The following RBMS1 variants were observed in gnomAD, a reference collection of about 807,000 sequenced individuals.
RBMS1 encodes RNA-binding motif, single-stranded-interacting protein 1.
In RBMS1, 17 loss-of-function variants were observed where a neutral mutation model predicts 62.3. The ratio of observed to expected loss-of-function variants is 0.27; its 90% CI spans 0.19 to 0.41. The LOEUF (loss-of-function observed/expected upper bound fraction) is 0.41. RBMS1 is among the 10% of genes least tolerant of loss of function. The probability of loss-of-function intolerance (pLI) is 1.00; values close to 1 mark genes in which losing one functional copy is unlikely to be tolerated. For synonymous variants in RBMS1, 172 were observed against 170.0 expected (o/e 1.01, Z -0.09); for missense variants, 334 against 504.5 (o/e 0.66, Z 3.24).
At chr2:160,444,928 C>T (rs967351162) in intron 1 of RBMS1, among the ~76,000 whole-genome samples, 3 of 152,174 alleles carry the variant, frequency 2.0e-5, no homozygotes, top group Non-Finnish European at 2.9e-5. Flanking sequence ...CTTGGACTCC[C>T]ATCCTCCAGA....
rs112820355 is a variant in RBMS1 at position 160,436,790 on chromosome 2, T to C, written c.75+56499A>G. The stretch of plus-strand genomic sequence containing the variant: ...CCCACCCAGACAGAAAGCTCATCCC[T>C]GAGGTTTCCTGCTACATTCGTCCCA... On this transcript the variant is annotated intron_variant, in intron 1 of 13. Transcript: ENST00000348849. Among the ~76,000 whole-genome samples the C allele has an allele frequency of 3.4e-3, 521 of 152,252 alleles. 5 individuals carry two copies. Among genetic ancestry groups the C allele is most frequent in the African/African-American group, 0.012 (485 of 41,550 alleles).
chr2:160,482,053 T>C (rs1488356449), intron 1 of RBMS1, among the ~76,000 whole-genome samples: 1 of 152,066 alleles, frequency 6.6e-6, no homozygotes, highest in Admixed American at 6.5e-5. Flanking sequence ...ATTGAAATAA[T>C]CCAAATGCTC....
intron 1 of RBMS1, among the ~76,000 whole-genome samples, chr2:160,442,660 C>G (rs1431468224): frequency 6.6e-6 from 1 of 152,078 alleles, no homozygotes; most frequent in African/African-American, 2.4e-5. Context: ...CTCTTAGGTT[C>G]TAATTTTAGT....
At chr2:160,463,491 A>G (rs570723281) in intron 1 of RBMS1, among the ~76,000 whole-genome samples, 7 of 152,292 alleles carry the variant, frequency 4.6e-5, no homozygotes, top group African/African-American at 1.7e-4. Context: ...TGAGTTCAAC[A>G]GCAACTTTGC....
At chr2:160,403,877 C>A (rs995704577) in intron 1 of RBMS1, among the ~76,000 whole-genome samples, 28 of 152,082 alleles carry the variant, frequency 1.8e-4, no homozygotes, top group Non-Finnish European at 1.3e-4. Flanking sequence ...AGAGGAGTAG[C>A]TAATAAAAGA....
At chr2:160,443,457 T>C (rs556471762) in intron 1 of RBMS1, among the ~76,000 whole-genome samples, 1 of 152,036 alleles carries the variant, frequency 6.6e-6, no homozygotes, top group South Asian at 2.1e-4. Flanking sequence ...ATCGTGGGGG[T>C]GGATCCCTCT....
rs1202593859 is a variant in RBMS1, at chr2:160,454,290, G to GTATT, written c.75+38995_75+38998dup. Among the ~76,000 whole-genome samples, 6 of 152,314 alleles carry GTATT rather than the reference G, an allele frequency of 3.9e-5. No homozygotes were observed. The South Asian group carries it at 6.2e-4, about 16-fold the overall frequency. On this transcript the variant is annotated intron_variant, in intron 1 of 13. Coordinates refer to ENST00000348849, the MANE Select transcript of RBMS1 (RefSeq NM_016836.4). Reference sequence around the variant, plus strand: ...ACTCTTTTCATGCAATGTTACATGAGTATTTACCAAGTTAGCACACAGTTA... The same window carrying GTATT: ...ACTCTTTTCATGCAATGTTACATGAGTATTTATTTACCAAGTTAGCACACAGTTA...
intron 1 of RBMS1, among the ~76,000 whole-genome samples, chr2:160,399,080 A>C (rs1337681234): frequency 6.6e-6 from 1 of 152,168 alleles, no homozygotes; most frequent in African/African-American, 2.4e-5. Flanking sequence ...TCCCTGATAA[A>C]GCCCATGTTT....
intron 1 of RBMS1, among the ~76,000 whole-genome samples, chr2:160,465,984 C>A (rs1684675562): frequency 1.3e-5 from 2 of 152,196 alleles, no homozygotes; most frequent in South Asian, 4.1e-4. Flanking sequence ...TAACACTTAT[C>A]AGAAAAGTGT....
chr2:160,384,682 A>C (rs1277818624), intron 1 of RBMS1, among the ~76,000 whole-genome samples: 1 of 152,204 alleles, frequency 6.6e-6, no homozygotes, highest in Non-Finnish European at 1.5e-5. Context: ...GATACCATCT[A>C]TTCCATACTA....
intron 4 of RBMS1, among the ~76,000 whole-genome samples, chr2:160,308,630 C>T (rs1689682537): frequency 1.3e-5 from 2 of 152,014 alleles, no homozygotes; most frequent in African/African-American, 2.4e-5. Flanking sequence ...TCTACAGGGA[C>T]CTAAAGAAAT....
chr2:160,297,823 G>C (rs979708170), intron 6 of RBMS1, among the ~76,000 whole-genome samples: 5 of 152,244 alleles, frequency 3.3e-5, no homozygotes, highest in Admixed American at 2.0e-4. Context: ...AATGTTGGAG[G>C]AGGATAAGCA....
At chr2:160,285,105 T>A in intron 7 of RBMS1, 61 bp from the exon 8 acceptor site, 1 of 1,539,106 alleles carries the variant, frequency 6.5e-7, no homozygotes, top group Non-Finnish European at 9.0e-7. Context: ...AAAAATTCTA[T>A]TTTTAGCCAG....
rs950375914 is a variant in RBMS1 at position 160,395,408 on chromosome 2, C to T, written c.76-28017G>A. ...GGGAGGCCGAGGCGGGCAGATCACG[C>T]GGTCAGGAGATCGAGACCATCCTGG... On this transcript the variant is annotated intron_variant, in intron 1 of 13. Transcript: ENST00000348849. 3.2e-4 allele frequency among the ~76,000 whole-genome samples: 49 copies of T among 151,944 alleles called. 1 individual carries two copies. The highest frequency in any genetic ancestry group is 6.0e-4 in the Non-Finnish European group (41 of 67,982).
intron 1 of RBMS1, among the ~76,000 whole-genome samples, chr2:160,396,860 G>C (rs1695172325): frequency 6.6e-6 from 1 of 152,196 alleles, no homozygotes; most frequent in Admixed American, 6.5e-5. Flanking sequence ...ACCGCGCCCA[G>C]CCGTAGGGAA....
At chr2:160,460,108 C>T (rs999141000) in intron 1 of RBMS1, among the ~76,000 whole-genome samples, 1 of 152,196 alleles carries the variant, frequency 6.6e-6, no homozygotes, top group East Asian at 1.9e-4. Flanking sequence ...TCCACTCCTC[C>T]CCCAGTGGTT....
chr2:160,309,086 G>C (rs1169559576), intron 4 of RBMS1, among the ~76,000 whole-genome samples: 1 of 152,188 alleles, frequency 6.6e-6, no homozygotes, highest in African/African-American at 2.4e-5. Flanking sequence ...ATTCCAGAGT[G>C]AGAAATCAGA....
At chr2:160,275,812 T>TTA in intron 12 of RBMS1, 98 bp from the exon 13 acceptor site, 1 of 1,531,912 alleles carries the variant, frequency 6.5e-7, no homozygotes, top group Non-Finnish European at 8.9e-7. Flanking sequence ...TTAAAAACAG[T>TTA]TACTCTTTAA....
chr2:160,425,791 G>A (rs1682529468), intron 1 of RBMS1, among the ~76,000 whole-genome samples: 1 of 152,136 alleles, frequency 6.6e-6, no homozygotes, highest in African/African-American at 2.4e-5. Context: ...CCACCTAGGA[G>A]GCTGCTTTCT....
Sources: gnomAD v4.1 joint callset for allele counts (sites outside exome capture counted in the v4.1 genomes callset) on GRCh38, gnomAD v4.1.1 for gene constraint, MANE v1.5 for transcripts, NCBI Gene and HGNC (gene_info 2026-07-23, HGNC 2026-07-21) for gene names.